Variants in ACOXL observed in about 807,000 individuals in gnomAD.
ACOXL encodes acyl-coenzyme A oxidase-like protein.
In ACOXL, 70 loss-of-function variants were observed where a neutral mutation model predicts 71.9. The ratio of observed to expected loss-of-function variants is 0.97; its 90% CI spans 0.80 to 1.19. The LOEUF is 1.19. ACOXL is among the 50% of genes most tolerant of loss of function. The pLI is 0.00. For missense variants in ACOXL, 703 were observed against 736.3 expected (o/e 0.95, Z 0.52); for synonymous variants, 253 against 281.6 (o/e 0.90, Z 1.02).
intron 16 of ACOXL, among the ~76,000 whole-genome samples, chr2:111,067,293 A>G (rs993052130): frequency 6.6e-6 from 1 of 152,206 alleles, no homozygotes; most frequent in Non-Finnish European, 1.5e-5. Flanking sequence ...TAAATAGCTA[A>G]GAAATAATGA....
intron 14 of ACOXL, among the ~76,000 whole-genome samples, chr2:111,023,750 TTGAAGCTGTCACAGCTGG>T (rs1398034438): frequency 6.6e-6 from 1 of 151,736 alleles, no homozygotes; most frequent in Non-Finnish European, 1.5e-5. Flanking sequence ...GACAGGGAAA[TTGAAGCTGTCACAGCTGG>T]GGAAGCTGTC....
intron 9 of ACOXL, among the ~76,000 whole-genome samples, chr2:110,820,582 A>G (rs1010765817): frequency 1.2e-4 from 19 of 152,074 alleles, no homozygotes; most frequent in African/African-American, 4.6e-4. Context: ...ACACTTAGGA[A>G]GAAGAGGCTC....
At chr2:110,926,346 C>T (rs935746225) in intron 11 of ACOXL, among the ~76,000 whole-genome samples, 2 of 152,104 alleles carry the variant, frequency 1.3e-5, no homozygotes, top group Non-Finnish European at 2.9e-5. Context: ...TATTTCTGCA[C>T]CTACTTTGGG....
chr2:110,807,011 C>A (rs563346105), intron 9 of ACOXL, among the ~76,000 whole-genome samples: 36 of 152,250 alleles, frequency 2.4e-4, no homozygotes, highest in African/African-American at 8.4e-4. Context: ...TGGGTGATTC[C>A]TAAAAGGTTC....
chr2:110,925,685 T>C (rs1427097787), intron 11 of ACOXL, among the ~76,000 whole-genome samples: 5 of 152,224 alleles, frequency 3.3e-5, no homozygotes, highest in Non-Finnish European at 5.9e-5. Context: ...AGCAAAAGTC[T>C]GTTTTGCTTT....
At chr2:111,095,194 G>A (rs2068737134) in intron 17 of ACOXL, among the ~76,000 whole-genome samples, 1 of 146,754 alleles carries the variant, frequency 6.8e-6, no homozygotes, top group Non-Finnish European at 1.5e-5. Flanking sequence ...TGCCCACTTT[G>A]GGAAGATGGA....
intron 10 of ACOXL, among the ~76,000 whole-genome samples, chr2:110,891,661 C>T (rs901711385): frequency 1.3e-5 from 2 of 152,046 alleles, no homozygotes; most frequent in Admixed American, 6.6e-5. Context: ...GAGCAGTTTC[C>T]AGAGACTTTA....
intron 10 of ACOXL, among the ~76,000 whole-genome samples, chr2:110,852,443 T>G (rs545543355): frequency 1.9e-4 from 29 of 152,332 alleles, no homozygotes; most frequent in African/African-American, 7.0e-4. Context: ...TTCTCAAGTT[T>G]GAATGAACGG....
rs373734868 is a variant in ACOXL at position 110,768,361 on chromosome 2, T to C, written c.-22-7T>C. ...TGGCTGTCTTATTTTGTATCTGTTC[T>C]TCACAGGTATGATTTAAGCTTGGAT... On this transcript the variant is annotated splice_region_variant and splice_polypyrimidine_tract_variant and intron_variant, in intron 1 of 17. Transcript: ENST00000439055. 6.8e-6 allele frequency: 11 copies of C among 1,612,502 alleles called. No individual in the cohort carries two copies. In the African/African-American group the frequency reaches 1.5e-4, roughly 22 times the overall value.
chr2:110,929,242 G>A (rs1007615815), intron 11 of ACOXL, among the ~76,000 whole-genome samples: 1 of 152,202 alleles, frequency 6.6e-6, no homozygotes, highest in African/African-American at 2.4e-5. Flanking sequence ...CCAGGCTGAG[G>A]TGGACTCAGA....
At chr2:110,874,448 A>G (rs1382435970) in intron 10 of ACOXL, among the ~76,000 whole-genome samples, 1 of 152,150 alleles carries the variant, frequency 6.6e-6, no homozygotes, top group Non-Finnish European at 1.5e-5. Context: ...AGACAAAGGC[A>G]GGTCCCTGGG....
At chr2:110,855,014 A>G (rs144583327) in intron 10 of ACOXL, among the ~76,000 whole-genome samples, 1 of 152,322 alleles carries the variant, frequency 6.6e-6, no homozygotes, top group East Asian at 1.9e-4. Context: ...TTGAAAGGAA[A>G]CCTTTGAGAG....
At chr2:110,803,042 G>GA (rs890789353) in intron 8 of ACOXL, among the ~76,000 whole-genome samples, 9 of 151,924 alleles carry the variant, frequency 5.9e-5, no homozygotes, top group South Asian at 2.1e-4. Context: ...AAAAGAAAAA[G>GA]AAAAAAACTT....
chr2:110,844,555 T>G (rs75214636), intron 10 of ACOXL, among the ~76,000 whole-genome samples: 21 of 150,084 alleles, frequency 1.4e-4, no homozygotes, highest in Non-Finnish European at 1.5e-5. Context: ...CTTTTCTTTT[T>G]TTTTTTTTTT....
intron 11 of ACOXL, among the ~76,000 whole-genome samples, chr2:110,918,793 A>G (rs1274973739): frequency 1.3e-5 from 2 of 152,214 alleles, no homozygotes; most frequent in Non-Finnish European, 2.9e-5. Context: ...CAACAAACAT[A>G]TGAAAAAAAA....
intron 10 of ACOXL, among the ~76,000 whole-genome samples, chr2:110,852,514 TG>T (rs954255760): frequency 6.6e-6 from 1 of 152,248 alleles, no homozygotes; most frequent in Non-Finnish European, 1.5e-5. Flanking sequence ...GTTCTAAATC[TG>T]CCTCCCTCAG....
Position 111,118,108 on chromosome 2 carries a change from GGGTGGGCTCCCC to G in ACOXL, c.*294_*305del. 1 of 513,192 alleles carries G rather than the reference GGGTGGGCTCCCC, an allele frequency of 1.9e-6. No homozygotes were observed. The highest frequency in any genetic ancestry group is 3.5e-5 in the Admixed American group (1 of 28,816). 31.8% of individuals were successfully genotyped at this position (513,192 alleles called of 1,614,324 possible). A position where few individuals can be genotyped will look rare whatever the true frequency, so the allele number is the denominator to read the frequency against. On this transcript the variant is annotated 3_prime_UTR_variant, in exon 18 of 18. Coordinates refer to ENST00000439055, the MANE Select transcript of ACOXL (RefSeq NM_001142807.4). ...CAGTGCCGGATCCCCTAGACAATCA[GGGTGGGCTCCCC>G]GCTGCGAGCGCGCCCCACAGCCGGG...
chr2:110,989,405 A>G (rs780811223), intron 13 of ACOXL, among the ~76,000 whole-genome samples: 1 of 152,220 alleles, frequency 6.6e-6, no homozygotes, highest in African/African-American at 2.4e-5. Context: ...AAATATTACT[A>G]TAGTATTATT....
intron 10 of ACOXL, among the ~76,000 whole-genome samples, chr2:110,901,235 A>G (rs1229593546): frequency 2.0e-5 from 3 of 152,188 alleles, no homozygotes; most frequent in Admixed American, 6.5e-5. Context: ...ATAATTGGCA[A>G]GGGCTTTTTC....
Sources: allele counts gnomAD v4.1 joint callset (sites outside exome capture counted in the v4.1 genomes callset), GRCh38; gene constraint gnomAD v4.1.1; transcripts MANE v1.5; gene names NCBI Gene and HGNC (gene_info 2026-07-23, HGNC 2026-07-21).